Variants in RALYL observed in about 807,000 individuals in gnomAD.
RALYL encodes the protein RALY RNA binding protein like, also known as RNA-binding Raly-like protein.
Under a neutral mutation model 35.1 loss-of-function variants are expected in RALYL, and 29 were observed. That is an observed-to-expected ratio of 0.83 (90% CI 0.61 to 1.13). The LOEUF (loss-of-function observed/expected upper bound fraction) is 1.13, where lower values mean the gene tolerates loss of function less well. Ranked by LOEUF, RALYL falls within the 50% of genes most tolerant of loss-of-function variation. RALYL has a pLI of 0.00. For missense variants in RALYL, 359 were observed against 360.4 expected, an observed-to-expected ratio of 1.00 and a Z score of 0.03; for synonymous variants, 120 against 127.6, an observed-to-expected ratio of 0.94 and a Z score of 0.40.
intron 2 of RALYL, among the ~76,000 whole-genome samples, chr8:84,596,528 A>G (rs76497266): frequency 0.016 from 2,451 of 152,280 alleles, 29 homozygotes; most frequent in Non-Finnish European, 0.024. Flanking sequence ...TTGCCAAGAA[A>G]TTCTAATTTA....
At chr8:84,424,922 T>C (rs1390830953) in intron 1 of RALYL, among the ~76,000 whole-genome samples, 2 of 151,678 alleles carry the variant, frequency 1.3e-5, no homozygotes, top group South Asian at 2.1e-4. Context: ...GATCTCCAGC[T>C]GTGTGCTGGG....
intron 2 of RALYL, chr8:84,705,934 AAC>A: frequency 6.6e-7 from 1 of 1,512,786 alleles, no homozygotes. Context: ...GTCAGTGAGC[AAC>A]AGTCTTACTG....
chr8:84,583,338 A>G lies in RALYL; in HGVS notation c.256+53761A>G, dbSNP rs186504640. 7.2e-5 allele frequency among the ~76,000 whole-genome samples: 11 copies of G among 152,286 alleles called. No homozygotes were observed. The East Asian group carries it at 1.9e-3, about 27-fold the overall frequency. On this transcript the variant is annotated intron_variant, in intron 2 of 8. Transcript: ENST00000521268. Reference sequence around the variant, plus strand: ...TAATGAGTGAGATCTGTGCCTATGTATAATATTATTTCACTTTGATAAAAA... The same window carrying G: ...TAATGAGTGAGATCTGTGCCTATGTGTAATATTATTTCACTTTGATAAAAA...
intron 1 of RALYL, among the ~76,000 whole-genome samples, chr8:84,307,089 G>A (rs1395010225): frequency 6.6e-6 from 1 of 152,130 alleles, no homozygotes; most frequent in East Asian, 1.9e-4. Context: ...TCCAGTGGTT[G>A]ATTCACACTG....
intron 2 of RALYL, among the ~76,000 whole-genome samples, chr8:84,537,220 A>T (rs1484382993): frequency 6.6e-6 from 1 of 151,236 alleles, no homozygotes; most frequent in Non-Finnish European, 1.5e-5. Context: ...CTATAATCTC[A>T]GCACTTTGAG....
chr8:84,699,541 A>T (rs1839826620), intron 2 of RALYL, among the ~76,000 whole-genome samples: 1 of 152,088 alleles, frequency 6.6e-6, no homozygotes, highest in South Asian at 2.1e-4. Context: ...CAGGTGGAAG[A>T]GGCAAGGGAT....
chr8:84,702,621 CCT>C (rs1168769413), intron 2 of RALYL, among the ~76,000 whole-genome samples: 1 of 151,556 alleles, frequency 6.6e-6, no homozygotes, highest in African/African-American at 2.4e-5. Context: ...CTCACTCTCC[CCT>C]CTTTCTTCCT....
chr8:84,336,478 C>A (rs1439110353), intron 1 of RALYL, among the ~76,000 whole-genome samples: 1 of 151,994 alleles, frequency 6.6e-6, no homozygotes, highest in Admixed American at 6.6e-5. Context: ...GGAAGGATAG[C>A]TATTAACACT....
At chr8:84,474,586 T>C (rs1189085025) in intron 1 of RALYL, among the ~76,000 whole-genome samples, 1 of 152,144 alleles carries the variant, frequency 6.6e-6, no homozygotes, top group Non-Finnish European at 1.5e-5. Flanking sequence ...AAGCTCTGAT[T>C]ATTACCTAAG....
chr8:84,183,133 A>G, upstream of RALYL: 1 of 159,496 alleles, frequency 6.3e-6, no homozygotes, highest in Non-Finnish European at 1.4e-5. Flanking sequence ...CAATCGCGGC[A>G]GCAGCGGCAG....
At chr8:84,816,071 G>T (rs1827230697) in intron 4 of RALYL, among the ~76,000 whole-genome samples, 1 of 150,522 alleles carries the variant, frequency 6.6e-6, no homozygotes, top group Non-Finnish European at 1.5e-5. Flanking sequence ...GAAAAGAAAG[G>T]TGAATAAGCA....
Position 84,774,580 on chromosome 8 carries a change from T to C in RALYL, c.258T>C (p.Asp86=). The change falls in exon 3 of 9, where the codon GAT becomes GAC. Residue 86 remains aspartate (D), a splice_region_variant and synonymous_variant. Transcript: ENST00000521268. ...TACTGTTTTATTTTATGCTTTCAGA[T>C]ATCAACATGGCAGGAGAGCCCAAAC... The part of the protein sequence containing the change: ...NARVIAGQPL[D]INMAGEPKPY... 6.3e-7 allele frequency: 1 copy of C among 1,599,676 alleles called. No individual in the cohort carries two copies. The highest frequency in any genetic ancestry group is 1.3e-5 in the African/African-American group (1 of 74,720).
At chr8:84,220,432 A>G (rs1040062524) in intron 1 of RALYL, among the ~76,000 whole-genome samples, 1 of 152,040 alleles carries the variant, frequency 6.6e-6, no homozygotes, top group Non-Finnish European at 1.5e-5. Context: ...TGGGAAGCAG[A>G]TAATATTCTT....
intron 1 of RALYL, among the ~76,000 whole-genome samples, chr8:84,419,887 A>C (rs1184771716): frequency 6.6e-6 from 1 of 151,630 alleles, no homozygotes; most frequent in Non-Finnish European, 1.5e-5. Context: ...ATCATTTTTT[A>C]TGGCTGCATA....
chr8:84,653,465 T>G (rs1437931288), intron 2 of RALYL, among the ~76,000 whole-genome samples: 1 of 152,074 alleles, frequency 6.6e-6, no homozygotes, highest in Non-Finnish European at 1.5e-5. Flanking sequence ...CTTCCTTGCT[T>G]TCCTGAAGCA....
At chr8:84,584,944 T>G (rs1811657545) in intron 2 of RALYL, among the ~76,000 whole-genome samples, 1 of 152,206 alleles carries the variant, frequency 6.6e-6, no homozygotes, top group Non-Finnish European at 1.5e-5. Flanking sequence ...TTTTTATGAG[T>G]GGTTTGCCCT....
At chr8:84,189,038 G>T (rs1480479132) in intron 1 of RALYL, among the ~76,000 whole-genome samples, 1 of 152,100 alleles carries the variant, frequency 6.6e-6, no homozygotes. Context: ...GCAGTTGGAG[G>T]ACTTGAGTTA....
intron 2 of RALYL, among the ~76,000 whole-genome samples, chr8:84,587,453 G>T (rs1328130813): frequency 1.3e-5 from 2 of 152,182 alleles, no homozygotes; most frequent in Non-Finnish European, 2.9e-5. Context: ...AGCAGTTTAT[G>T]TAGAAAAATG....
chr8:84,794,227 G>A (rs2467212), intron 3 of RALYL, among the ~76,000 whole-genome samples: 41,628 of 152,100 alleles, frequency 0.27, 6,147 homozygotes, highest in African/African-American at 0.36. Context: ...TAGGATGGGC[G>A]ATCAAAAGAC....
Sources: gnomAD v4.1 joint callset for allele counts (sites outside exome capture counted in the v4.1 genomes callset) on GRCh38, gnomAD v4.1.1 for gene constraint, MANE v1.5 for transcripts, NCBI Gene and HGNC (gene_info 2026-07-23, HGNC 2026-07-21) for gene names.